The following WWOX variants were observed in gnomAD, a reference collection of about 807,000 sequenced individuals.
WWOX encodes WW domain containing oxidoreductase, also known as WW domain-containing oxidoreductase.
A neutral mutation model predicts 46.2 loss-of-function variants in WWOX; 69 were observed. The observed-to-expected ratio is 1.49, with a 90% CI of 1.23 to 1.82. The LOEUF (loss-of-function observed/expected upper bound fraction) is 1.82, where lower values mean the gene tolerates loss of function less well. Among genes scored for constraint, WWOX ranks in the 40% most tolerant of loss-of-function variants. WWOX has a pLI of 0.00. For missense variants in WWOX, 919 were observed against 542.6 expected (o/e 1.69, Z -6.89); for synonymous variants, 359 against 202.6 (o/e 1.77, Z -6.56).
At chr16:79,139,935 C>T (rs766650036) in intron 8 of WWOX, among the ~76,000 whole-genome samples, 18 of 152,338 alleles carry the variant, frequency 1.2e-4, no homozygotes, top group Non-Finnish European at 2.2e-4. Flanking sequence ...TCTCCAAATA[C>T]GGACTTGTAC....
At chr16:78,321,910 T>C (rs984919491) in intron 5 of WWOX, among the ~76,000 whole-genome samples, 1 of 152,192 alleles carries the variant, frequency 6.6e-6, no homozygotes, top group African/African-American at 2.4e-5. Context: ...ACCAAACAGA[T>C]GCAAATGGAT....
At chr16:78,742,195 G>T (rs767581978) in intron 8 of WWOX, among the ~76,000 whole-genome samples, 3 of 152,162 alleles carry the variant, frequency 2.0e-5, no homozygotes, top group Non-Finnish European at 4.4e-5. Flanking sequence ...CGATAAATCA[G>T]TGTACAAATA....
At chr16:78,164,410 A>T (rs1368385761) in intron 5 of WWOX, 121 bp downstream of exon 5, 2 of 887,200 alleles carry the variant, frequency 2.3e-6, no homozygotes, top group Non-Finnish European at 3.6e-6. Context: ...TTTATTTTTA[A>T]AGTCATCTTC....
intron 5 of WWOX, among the ~76,000 whole-genome samples, chr16:78,261,986 A>G (rs2079254282): frequency 6.6e-6 from 1 of 150,962 alleles, no homozygotes; most frequent in Non-Finnish European, 1.5e-5. Flanking sequence ...GTAGGGCTTT[A>G]AGAAAGCAAG....
chr16:78,716,337 C>T (rs778089593), intron 8 of WWOX, among the ~76,000 whole-genome samples: 1 of 152,092 alleles, frequency 6.6e-6, no homozygotes. Flanking sequence ...CCTGTTGACA[C>T]CTTGATTTCA....
chr16:78,557,823 G>A (rs1361105330), intron 8 of WWOX, among the ~76,000 whole-genome samples: 1 of 151,016 alleles, frequency 6.6e-6, no homozygotes, highest in Non-Finnish European at 1.5e-5. Context: ...AGCCTCCTGA[G>A]TAGCTGGGAT....
chr16:78,275,161 C>T (rs1008649639), intron 5 of WWOX, among the ~76,000 whole-genome samples: 2 of 152,150 alleles, frequency 1.3e-5, no homozygotes, highest in South Asian at 4.1e-4. Context: ...AGATCTAAAA[C>T]GTGGAGGGGG....
intron 8 of WWOX, among the ~76,000 whole-genome samples, chr16:78,580,076 T>A (rs926032988): frequency 4.4e-5 from 4 of 91,434 alleles, no homozygotes; most frequent in African/African-American, 1.7e-4. Context: ...ACAGAGGAAA[T>A]TTTTTTTTTT....
rs139135236 is a variant in WWOX at position 78,264,161 on chromosome 16, C to T, written c.516+99872C>T. On this transcript the variant is annotated intron_variant, in intron 5 of 8. Transcript: ENST00000566780. Reference sequence around the variant, plus strand: ...AAGTGACATTTGGCATGAATTTGCTCATCACCACAGAGGGCCCCAGGGACC... The same window carrying T: ...AAGTGACATTTGGCATGAATTTGCTTATCACCACAGAGGGCCCCAGGGACC... 6.8e-4 allele frequency among the ~76,000 whole-genome samples: 104 copies of T among 151,930 alleles called. 1 individual carries two copies. Among genetic ancestry groups the T allele is most frequent in the Middle Eastern group, 6.8e-3 (2 of 294 alleles).
intron 6 of WWOX, among the ~76,000 whole-genome samples, chr16:78,422,838 TACATATACAC>T (rs2082978804): frequency 4.1e-5 from 4 of 96,482 alleles, no homozygotes; most frequent in South Asian, 7.2e-4. Context: ...TATATATATA[TACATATACAC>T]ACACACACAC....
intron 8 of WWOX, among the ~76,000 whole-genome samples, chr16:78,867,990 A>T (rs1340083267): frequency 6.6e-6 from 1 of 152,226 alleles, no homozygotes; most frequent in African/African-American, 2.4e-5. Context: ...TGCCTTAAAA[A>T]GTTAAACACA....
chr16:78,726,509 C>T (rs1381874050), intron 8 of WWOX, among the ~76,000 whole-genome samples: 1 of 152,112 alleles, frequency 6.6e-6, no homozygotes, highest in Non-Finnish European at 1.5e-5. Context: ...GTTAAGATTA[C>T]AGGCATGAAC....
intron 8 of WWOX, among the ~76,000 whole-genome samples, chr16:78,797,713 T>G (rs1055318440): frequency 4.6e-5 from 7 of 152,130 alleles, no homozygotes; most frequent in African/African-American, 1.7e-4. Flanking sequence ...GGAGGCCAGG[T>G]GCGTTAGGTC....
chr16:78,661,245 CCAG>C (rs2047205005), intron 8 of WWOX, among the ~76,000 whole-genome samples: 1 of 152,158 alleles, frequency 6.6e-6, no homozygotes, highest in African/African-American at 2.4e-5. Flanking sequence ...GAAATTATCT[CCAG>C]CAGCAGCAAC....
chr16:78,610,917 A>G (rs964460718), intron 8 of WWOX, among the ~76,000 whole-genome samples: 3 of 152,190 alleles, frequency 2.0e-5, no homozygotes, highest in African/African-American at 4.8e-5. Flanking sequence ...CTCATTAAGC[A>G]CAGGACAGTG....
rs145579760 is a variant in WWOX at position 78,502,169 on chromosome 16, T to C, written c.1056+69417T>C. Among the ~76,000 whole-genome samples, 825 of 152,302 alleles carry C rather than the reference T, an allele frequency of 5.4e-3. 10 individuals carry two copies. The highest frequency in any genetic ancestry group is 0.019 in the African/African-American group (794 of 41,558). Reference sequence around the variant, plus strand: ...CCTTAGCCCTCCAATATCCTTTTCATTTTCTTTAATAGTTTTATTGATATA... The same window carrying C: ...CCTTAGCCCTCCAATATCCTTTTCACTTTCTTTAATAGTTTTATTGATATA... On this transcript the variant is annotated intron_variant, in intron 8 of 8. Coordinates refer to ENST00000566780, the MANE Select transcript of WWOX (RefSeq NM_016373.4).
chr16:78,647,268 C>T (rs1421361796), intron 8 of WWOX, among the ~76,000 whole-genome samples: 1 of 152,138 alleles, frequency 6.6e-6, no homozygotes, highest in Admixed American at 6.5e-5. Flanking sequence ...CCAAGGAAAT[C>T]CAAATGCTTT....
At chr16:78,424,781 G>A (rs900969040) in intron 6 of WWOX, 89 bp from the exon 7 acceptor site, 1 of 1,418,772 alleles carries the variant, frequency 7.0e-7, no homozygotes, top group Middle Eastern at 1.8e-4. Context: ...TAGTGTTTAT[G>A]TCCACATCAC....
chr16:78,622,546 A>G (rs912023122), intron 8 of WWOX, among the ~76,000 whole-genome samples: 2 of 151,500 alleles, frequency 1.3e-5, no homozygotes, highest in African/African-American at 2.4e-5. Context: ...CCATCTTAAA[A>G]AAAAAAAAAA....
Sources: gnomAD v4.1 joint callset for allele counts (sites outside exome capture counted in the v4.1 genomes callset) on GRCh38, gnomAD v4.1.1 for gene constraint, MANE v1.5 for transcripts, NCBI Gene and HGNC (gene_info 2026-07-23, HGNC 2026-07-21) for gene names.